Variants in TGM3 observed in about 807,000 individuals in gnomAD.
TGM3 encodes the protein protein-glutamine gamma-glutamyltransferase E.
Under a neutral mutation model 73.8 loss-of-function variants are expected in TGM3, and 52 were observed. The observed-to-expected ratio is 0.70, with a 90% CI of 0.56 to 0.89. The LOEUF is 0.89. Ranked by LOEUF, TGM3 falls within the 40% of genes least tolerant of loss-of-function variation. The pLI is 0.00. For missense variants in TGM3, 928 were observed against 909.9 expected (o/e 1.02, Z -0.26); for synonymous variants, 372 against 354.9 (o/e 1.05, Z -0.54).
intron 11 of TGM3, among the ~76,000 whole-genome samples, chr20:2,336,335 G>T (rs2084351105): frequency 3.3e-5 from 5 of 152,086 alleles, no homozygotes; most frequent in Admixed American, 3.3e-4. Flanking sequence ...TTCCCTTGGG[G>T]CCCAATCAAG....
intron 8 of TGM3, among the ~76,000 whole-genome samples, chr20:2,327,634 C>T (rs1471113596): frequency 6.6e-6 from 1 of 152,146 alleles, no homozygotes; most frequent in African/African-American, 2.4e-5. Flanking sequence ...ATCTATCTAT[C>T]TATCTATCTA....
At position 2,317,144 on chromosome 20, in the gene TGM3, G is replaced by A. The variant is rs214814; in HGVS notation, c.746G>A (p.Ser249Asn). The A allele has an allele frequency of 0.11, 181,790 of 1,613,926 alleles. 11,007 individuals are homozygous for A. Among genetic ancestry groups the A allele is most frequent in the African/African-American group, 0.19 (14,611 of 74,956 alleles). Residue 249 changes from serine (S) to asparagine (N), a missense_variant, in exon 6 of 13, where the codon AGC becomes AAC. Transcript: ENST00000381458. ...GTYTGGRDPR[S>N]WNGSVEILKN... ...TACACCGGTGGCCGGGACCCAAGGA[G>A]CTGGAACGGCAGCGTGGAGATCCTC...
chr20:2,327,465 C>T lies in TGM3; in HGVS notation c.1088-655C>T, dbSNP rs532558523. Among the ~76,000 whole-genome samples the T allele has an allele frequency of 2.6e-4, 40 of 152,098 alleles. No homozygotes were observed. In the South Asian group the frequency reaches 7.1e-3, roughly 27 times the overall value. ...GCACTCCAGACTGGGCGACAGAGCA[C>T]GACTGCATCTCAAAAAAACAAACAA... On this transcript the variant is annotated intron_variant, in intron 8 of 12. Transcript: ENST00000381458.
intron 8 of TGM3, among the ~76,000 whole-genome samples, chr20:2,326,800 G>A (rs2084290390): frequency 6.6e-6 from 1 of 151,866 alleles, no homozygotes; most frequent in South Asian, 2.1e-4. Context: ...CGTGAGCCGA[G>A]ATCATGCCGT....
intron 1 of TGM3, among the ~76,000 whole-genome samples, chr20:2,302,841 G>A (rs1432493764): frequency 2.6e-5 from 4 of 151,758 alleles, no homozygotes; most frequent in Non-Finnish European, 5.9e-5. Context: ...TGAATGCATC[G>A]ACAAAACATG....
At position 2,325,880 on chromosome 20, in the gene TGM3, G is replaced by T. The variant is rs766342169; in HGVS notation, c.1015G>T (p.Val339Leu). 3.2e-6 allele frequency: 5 copies of T among 1,580,952 alleles called. No homozygotes were observed. The African/African-American group carries it at 5.4e-5, about 17-fold the overall frequency. Reference sequence around the variant, plus strand: ...CCATGTCTGGAATGAAGGCTGGTTTGTGAGGTCTGACCTGGGCCCCTCGTA... The same window carrying T: ...CCATGTCTGGAATGAAGGCTGGTTTTTGAGGTCTGACCTGGGCCCCTCGTA... ...NFHVWNEGWFVRSDLGPSYGG... is the reference protein window; with the variant it reads ...NFHVWNEGWFLRSDLGPSYGG... The change falls in exon 8 of 13, where the codon GTG becomes TTG. Residue 339 changes from valine to leucine, a missense_variant. By Grantham distance (32) the Val-to-Leu change is conservative. Transcript: ENST00000381458.
rs1361419855 is a variant in TGM3, at chr20:2,328,358, C to T, written c.1326C>T (p.Tyr442=). The T allele has an allele frequency of 6.2e-7, 1 of 1,614,056 alleles. No individual in the cohort carries two copies. The highest frequency in any genetic ancestry group is 1.7e-5 in the Admixed American group (1 of 60,016). Residue 442 remains tyrosine, a synonymous_variant, in exon 9 of 13, where the codon TAC becomes TAT. Transcript: ENST00000381458. The surrounding 1 kb of genome is among the most constrained non-coding windows in gnomAD (Gnocchi z 5.2). ...TGGACGTCACGGACAAGTACAAGTA[C>T]CCAGAAGGTAGGAGGGACGCTGGCG... The part of the protein sequence containing the change: ...ARMDVTDKYK[Y]PEGSDQERQV...
intron 4 of TGM3, 65 bp downstream of exon 4, chr20:2,311,194 C>A: frequency 7.5e-7 from 1 of 1,341,258 alleles, no homozygotes; most frequent in Non-Finnish European, 1.1e-6. Flanking sequence ...GCAGCTTGCC[C>A]CACAGATCAA....
At position 2,299,619 on chromosome 20, in the gene TGM3, C is replaced by T. The variant is rs117888338; in HGVS notation, c.7+3549C>T. On this transcript the variant is annotated intron_variant, in intron 1 of 12. Coordinates refer to ENST00000381458, the MANE Select transcript of TGM3 (RefSeq NM_003245.4). ...AGAAGGAGTCAGCCTTCCCCTCCCT[C>T]AGCCTGATTTTCCTTATTTGTAAAA... is the stretch of plus-strand genomic sequence containing the variant. Among the ~76,000 whole-genome samples the T allele has an allele frequency of 8.7e-3, 1,328 of 152,326 alleles. 10 individuals carry two copies. The highest frequency in any genetic ancestry group is 0.02 in the South Asian group (95 of 4,826).
At position 2,332,242 on chromosome 20, in the gene TGM3, T is replaced by C. The variant is rs2084324726; in HGVS notation, c.1574T>C (p.Ile525Thr). Residue 525 changes from isoleucine to threonine, a missense_variant, in exon 10 of 13, where the codon ATC becomes ACC. Ile to Thr is a moderately conservative substitution (Grantham distance 89). Transcript: ENST00000381458. The surrounding 1 kb of genome is among the most constrained non-coding windows in gnomAD (Gnocchi z 4.4). ...GTGAACATGACAGCCTGGACCATCA[T>C]CTACAACGGCACGCTTGTACATGAA... ...VTVNMTAWTI[I>T]YNGTLVHEVW... 6.2e-7 allele frequency: 1 copy of C among 1,613,968 alleles called. No homozygotes were observed. Among genetic ancestry groups the C allele is most frequent in the African/African-American group, 1.3e-5 (1 of 75,012 alleles).
At position 2,332,379 on chromosome 20, in the gene TGM3, G is replaced by T; in HGVS notation, c.1642+69G>T. 3 of 1,437,078 alleles carry T rather than the reference G, an allele frequency of 2.1e-6. No individual in the cohort carries two copies. The highest frequency in any genetic ancestry group is 1.8e-6 in the Non-Finnish European group (2 of 1,081,802). 89.0% of individuals were successfully genotyped at this position (1,437,078 alleles called of 1,614,324 possible). A position where few individuals can be genotyped will look rare whatever the true frequency, so the allele number is the denominator to read the frequency against. ...GCCAATGGCCTTCTGGGGCTGCAGG[G>T]TGTCTGCTGGGCTCCAGGTTAGTCA... On this transcript the variant is annotated intron_variant, in intron 10 of 12. Transcript: ENST00000381458. The surrounding 1 kb of genome is among the most constrained non-coding windows in gnomAD (Gnocchi z 4.4).
chr20:2,340,189 A>C (rs1019602914), intron 12 of TGM3, among the ~76,000 whole-genome samples: 9 of 152,108 alleles, frequency 5.9e-5, no homozygotes, highest in Non-Finnish European at 1.2e-4. Context: ...AGGTCACCAG[A>C]GCTAAGAGCT....
In TGM3 at chr20:2,328,086, G is replaced by A. The variant is rs755213062; in HGVS notation, c.1088-34G>A. 1 of 1,613,336 alleles carries A rather than the reference G, an allele frequency of 6.2e-7. No homozygotes were observed. The highest frequency in any genetic ancestry group is 1.3e-5 in the African/African-American group (1 of 74,892). ...CGGGCACTGGGTAGGTTGTGGCCTT[G>A]GCATATATCCAGCCTCTGCATCTTG... is the stretch of plus-strand genomic sequence containing the variant. On this transcript the variant is annotated intron_variant, in intron 8 of 12. Coordinates refer to ENST00000381458, the MANE Select transcript of TGM3 (RefSeq NM_003245.4). This position sits in a 1 kb window ranked among gnomAD's most constrained non-coding sequence, Gnocchi z 5.2.
chr20:2,335,738 C>T (rs2084346870), intron 11 of TGM3, among the ~76,000 whole-genome samples: 1 of 152,214 alleles, frequency 6.6e-6, no homozygotes, highest in Non-Finnish European at 1.5e-5. Flanking sequence ...GCCAGGGCCA[C>T]AGCCCAGCCC....
At chr20:2,296,149 G>T in intron 1 of TGM3, 79 bp downstream of exon 1, 1 of 1,525,578 alleles carries the variant, frequency 6.6e-7, no homozygotes, top group Non-Finnish European at 8.9e-7. Context: ...AAGCCAGAGT[G>T]TCCGGCCAGG....
rs200893750 is a variant in TGM3, at chr20:2,332,292, T to G, written c.1624T>G (p.Ser542Ala). The G allele has an allele frequency of 2.5e-6, 4 of 1,601,122 alleles. No homozygotes were observed. In the East Asian group the frequency reaches 9.0e-5, roughly 36 times the overall value. The change falls in exon 10 of 13, where the codon TCC (serine) becomes GCC (alanine). Residue 542 changes from serine (S) to alanine (A), a missense_variant. Transcript: ENST00000381458. This position sits in a 1 kb window ranked among gnomAD's most constrained non-coding sequence, Gnocchi z 4.4. The stretch of plus-strand genomic sequence containing the variant: ...AGTGTGGAAGGACTCTGCCACAATG[T>G]CCCTGGACCCTGAGGAAGGTAACGC... ...HEVWKDSATM[S>A]LDPEEEAEHP... is the part of the protein sequence containing the mutation.
intron 4 of TGM3, among the ~76,000 whole-genome samples, chr20:2,312,396 C>CAAAAA (rs57369938): frequency 9.9e-5 from 6 of 60,470 alleles, no homozygotes; most frequent in Admixed American, 2.8e-4. Flanking sequence ...GACTCCGTCT[C>CAAAAA]AAAAAAAAAA....
intron 7 of TGM3, among the ~76,000 whole-genome samples, chr20:2,322,981 A>C (rs1350544801): frequency 6.6e-6 from 1 of 152,256 alleles, no homozygotes; most frequent in Non-Finnish European, 1.5e-5. Flanking sequence ...GAATTATTGT[A>C]GACTTTCTCC....
intron 1 of TGM3, among the ~76,000 whole-genome samples, chr20:2,307,352 CCCCCA>C (rs2084181393): frequency 6.6e-6 from 1 of 152,046 alleles, no homozygotes; most frequent in Admixed American, 6.6e-5. Flanking sequence ...CCTGCCCCAA[CCCCCA>C]CTCTCTCCTG....
Sources: gnomAD v4.1 joint callset for allele counts (sites outside exome capture counted in the v4.1 genomes callset) on GRCh38, gnomAD v4.1.1 for gene constraint, Gnocchi (gnomAD v3.1) non-coding constraint, MANE v1.5 for transcripts, NCBI Gene and HGNC (gene_info 2026-07-23, HGNC 2026-07-21) for gene names.